The following SRGAP3 variants were observed in gnomAD, a reference collection of about 807,000 sequenced individuals.
SRGAP3 encodes the protein SLIT-ROBO Rho GTPase-activating protein 3.
A neutral mutation model predicts 121.1 loss-of-function variants in SRGAP3; 39 were observed. The ratio of observed to expected loss-of-function variants is 0.32; its 90% CI spans 0.25 to 0.42. The LOEUF (loss-of-function observed/expected upper bound fraction) is 0.42, where lower values mean the gene tolerates loss of function less well. Among genes scored for constraint, SRGAP3 ranks in the 10% least tolerant of loss-of-function variants. The pLI, the probability that SRGAP3 is intolerant of heterozygous loss-of-function variation, is 1.00. For missense variants in SRGAP3, 1,213 were observed against 1,470.6 expected (o/e 0.82, Z 2.86); for synonymous variants, 601 against 570.0 (o/e 1.05, Z -0.77).
intron 14 of SRGAP3, among the ~76,000 whole-genome samples, chr3:9,018,416 T>C (rs1338559462): frequency 6.6e-6 from 1 of 152,246 alleles, no homozygotes; most frequent in African/African-American, 2.4e-5. Context: ...TTTTAGTTTT[T>C]TGAGAAATCT....
At chr3:9,134,853 A>G (rs780247612) in intron 1 of SRGAP3, among the ~76,000 whole-genome samples, 2 of 152,134 alleles carry the variant, frequency 1.3e-5, no homozygotes, top group Non-Finnish European at 2.9e-5. Flanking sequence ...TCATAGCACA[A>G]TGTAGCGGGC....
chr3:9,297,791 G>A (rs1954976445), intron 3 of SRGAP3, among the ~76,000 whole-genome samples: 1 of 151,968 alleles, frequency 6.6e-6, no homozygotes, highest in Non-Finnish European at 1.5e-5. Context: ...AGCTACTCAG[G>A]AGGCTGAGGC....
At chr3:9,081,216 C>T in intron 3 of SRGAP3, 1 of 456,552 alleles carries the variant, frequency 2.2e-6, no homozygotes, top group East Asian at 7.0e-5. Context: ...GCTCAGCCCT[C>T]CCCAGTGCTG....
At chr3:9,241,651 C>G (rs1186544622) in intron 1 of SRGAP3, among the ~76,000 whole-genome samples, 1 of 152,126 alleles carries the variant, frequency 6.6e-6, no homozygotes, top group Non-Finnish European at 1.5e-5. Context: ...TTATGTCCCC[C>G]AAAAATGCAT....
chr3:9,164,766 CT>C (rs1950724324), intron 1 of SRGAP3, among the ~76,000 whole-genome samples: 1 of 152,212 alleles, frequency 6.6e-6, no homozygotes, highest in Non-Finnish European at 1.5e-5. Flanking sequence ...CCACTCAGTA[CT>C]TCAGATAGCC....
chr3:9,037,852 C>G (rs1195001840), intron 11 of SRGAP3: 1 of 644,420 alleles, frequency 1.6e-6, no homozygotes, highest in African/African-American at 1.8e-5. Flanking sequence ...CCCCTTCCAT[C>G]GCCAGCCTGG....
At chr3:9,220,938 A>T (rs541687636) in intron 1 of SRGAP3, among the ~76,000 whole-genome samples, 14 of 152,126 alleles carry the variant, frequency 9.2e-5, no homozygotes, top group Admixed American at 6.5e-4. Context: ...CCCAGGGCAG[A>T]CCCCACCTCC....
In SRGAP3 at chr3:9,056,311, C is replaced by T. The variant is rs992897680; in HGVS notation, c.1047G>A (p.Gln349=). 13 of 1,613,476 alleles carry T rather than the reference C, an allele frequency of 8.1e-6. 1 individual carries two copies. The highest frequency in any genetic ancestry group is 3.4e-4 in the Middle Eastern group (2 of 5,878). ...GDEVCQVSAQ[Q]PVQTELLMRY... Reference sequence around the variant, plus strand: ...GCATGAGCAGTTCTGTCTGGACGGGCTGCTGAGCGCTGACCTGGCAGACCT... The same window carrying T: ...GCATGAGCAGTTCTGTCTGGACGGGTTGCTGAGCGCTGACCTGGCAGACCT... The change falls in exon 8 of 22, where the codon CAG becomes CAA. Residue 349 remains glutamine, a synonymous_variant. Transcript: ENST00000383836.
Position 9,206,818 on chromosome 3 carries a change from A to G in SRGAP3, c.67+42067T>C, listed in dbSNP as rs140059643. 9.2e-4 allele frequency among the ~76,000 whole-genome samples: 140 copies of G among 152,272 alleles called. 1 individual carries two copies. The highest frequency in any genetic ancestry group is 3.3e-3 in the African/African-American group (138 of 41,558). On this transcript the variant is annotated intron_variant, in intron 1 of 21. Transcript: ENST00000383836. ...CCCCCTAGTCTCTTCAGTCTCCTTC[A>G]TCGCACCTATCAGTGCTTAACATCA...
intron 1 of SRGAP3, among the ~76,000 whole-genome samples, chr3:9,179,986 A>G (rs557797208): frequency 6.6e-6 from 1 of 152,372 alleles, no homozygotes; most frequent in South Asian, 2.1e-4. Context: ...ACTGCCTTCC[A>G]GGCTGCAGCC....
At chr3:9,200,215 A>T (rs1162225626) in intron 1 of SRGAP3, among the ~76,000 whole-genome samples, 1 of 152,236 alleles carries the variant, frequency 6.6e-6, no homozygotes, top group Non-Finnish European at 1.5e-5. Flanking sequence ...TCACCAATAT[A>T]CTTTGTTTTT....
At chr3:9,287,469 A>G (rs1036077510) in intron 3 of SRGAP3, among the ~76,000 whole-genome samples, 2 of 152,218 alleles carry the variant, frequency 1.3e-5, no homozygotes, top group African/African-American at 4.8e-5. Context: ...ATATAATCCT[A>G]CATTCACAGT....
intron 3 of SRGAP3, among the ~76,000 whole-genome samples, chr3:9,103,396 C>T (rs1948291892): frequency 6.6e-6 from 1 of 152,206 alleles, no homozygotes; most frequent in African/African-American, 2.4e-5. Context: ...AAGTGATGCT[C>T]TCCATGCTGT....
At chr3:9,143,772 G>A (rs879663795) in intron 1 of SRGAP3, among the ~76,000 whole-genome samples, 14 of 151,970 alleles carry the variant, frequency 9.2e-5, no homozygotes, top group African/African-American at 2.7e-4. Flanking sequence ...CCATTCCCAC[G>A]GTGAAACTCC....
chr3:9,314,646 C>T (rs1240715102), intron 3 of SRGAP3, among the ~76,000 whole-genome samples: 1 of 151,788 alleles, frequency 6.6e-6, no homozygotes, highest in East Asian at 1.9e-4. Flanking sequence ...GCCCTCCTCT[C>T]CCCACCCTGC....
At chr3:9,042,946 C>G (rs1392403456) in intron 10 of SRGAP3, among the ~76,000 whole-genome samples, 2 of 152,150 alleles carry the variant, frequency 1.3e-5, no homozygotes, top group African/African-American at 4.8e-5. Context: ...GTTGTCCCCT[C>G]TTCCCCAAAA....
At chr3:9,054,436 C>A (rs1945725478) in intron 8 of SRGAP3, among the ~76,000 whole-genome samples, 1 of 152,250 alleles carries the variant, frequency 6.6e-6, no homozygotes, top group Admixed American at 6.5e-5. Context: ...TTTCAACCAA[C>A]TGTCAATCAG....
At chr3:9,173,034 G>A (rs987092356) in intron 1 of SRGAP3, among the ~76,000 whole-genome samples, 1 of 152,168 alleles carries the variant, frequency 6.6e-6, no homozygotes, top group African/African-American at 2.4e-5. Context: ...ATGGCTCGTG[G>A]CCACAAGCCC....
At chr3:9,068,694 CTTAGCTCAATAGACTAGAACAG>C (rs1946542509) in intron 4 of SRGAP3, among the ~76,000 whole-genome samples, 1 of 152,188 alleles carries the variant, frequency 6.6e-6, no homozygotes, top group Non-Finnish European at 1.5e-5. Context: ...ATGAATGGTC[CTTAGCTCAATAGACTAGAACAG>C]TTAGCTCAAT....
Sources: allele counts gnomAD v4.1 joint callset (sites outside exome capture counted in the v4.1 genomes callset), GRCh38; gene constraint gnomAD v4.1.1; transcripts MANE v1.5; gene names NCBI Gene and HGNC (gene_info 2026-07-23, HGNC 2026-07-21).